Variants in RCBTB1 observed in about 807,000 individuals in gnomAD.
RCBTB1 encodes RCC1 and BTB domain containing protein 1.
RCBTB1 carries 46 observed loss-of-function variants against 62.4 expected under a neutral mutation model. That is an observed-to-expected ratio of 0.74 (90% CI 0.58 to 0.94). The LOEUF (loss-of-function observed/expected upper bound fraction) is 0.94, where lower values mean the gene tolerates loss of function less well. Ranked by LOEUF, RCBTB1 falls within the 40% of genes least tolerant of loss-of-function variation. The probability of loss-of-function intolerance (pLI) is 0.00; values close to 1 mark genes in which losing one functional copy is unlikely to be tolerated. For missense variants in RCBTB1, 565 were observed against 654.9 expected, an observed-to-expected ratio of 0.86 and a Z score of 1.50; for synonymous variants, 222 against 245.8, an observed-to-expected ratio of 0.90 and a Z score of 0.91.
intron 6 of RCBTB1, among the ~76,000 whole-genome samples, chr13:49,554,219 A>C (rs985741230): frequency 1.3e-5 from 2 of 152,200 alleles, no homozygotes; most frequent in African/African-American, 4.8e-5. Flanking sequence ...TGTTTAAGGG[A>C]AAAGTCCAAA....
At chr13:49,555,385 G>T in intron 6 of RCBTB1, 130 bp downstream of exon 6, 1 of 781,330 alleles carries the variant, frequency 1.3e-6, no homozygotes, top group Non-Finnish European at 2.1e-6. Context: ...TCAGTAATCA[G>T]TTAACTTTCA....
In RCBTB1 at chr13:49,534,250, A is replaced by G. The variant is rs141536179; in HGVS notation, c.1468T>C (p.Phe490Leu). 3.0e-5 allele frequency: 49 copies of G among 1,611,990 alleles called. No homozygotes were observed. The highest frequency in any genetic ancestry group is 4.1e-5 in the Non-Finnish European group (48 of 1,179,446). Residue 490 changes from phenylalanine (F) to leucine (L), a missense_variant, in exon 13 of 13, where the codon TTC becomes CTC. Physicochemically the swap from Phe to Leu is conservative, Grantham distance 22. Coordinates refer to ENST00000378302, the MANE Select transcript of RCBTB1 (RefSeq NM_018191.4). ...VRYDAEDLEE[F>L]CFKFCINHLT... The stretch of plus-strand genomic sequence containing the variant: ...TGATTGATGCAAAACTTAAAGCAGA[A>G]TTCTTCTAAATCCTGGACACACAAC...
At chr13:49,552,311 T>G (rs1023485269) in intron 6 of RCBTB1, 26 bp from the exon 7 acceptor site, 3 of 1,485,420 alleles carry the variant, frequency 2.0e-6, no homozygotes, top group Non-Finnish European at 2.8e-6. Flanking sequence ...AGGGAGAGAG[T>G]GAGATTTTTA....
chr13:49,554,059 C>T (rs1354247789), intron 6 of RCBTB1, among the ~76,000 whole-genome samples: 3 of 152,096 alleles, frequency 2.0e-5, no homozygotes, highest in Non-Finnish European at 4.4e-5. Flanking sequence ...GATGGAAAGC[C>T]GCATAAATGG....
chr13:49,584,673 T>C (rs1057029911), intron 1 of RCBTB1, among the ~76,000 whole-genome samples: 13 of 152,260 alleles, frequency 8.5e-5, no homozygotes, highest in Middle Eastern at 3.4e-3. Context: ...AAAAAAAGAA[T>C]AGGGCAAAAG....
At chr13:49,566,234 G>C (rs961997689) in intron 4 of RCBTB1, among the ~76,000 whole-genome samples, 1 of 150,208 alleles carries the variant, frequency 6.7e-6, no homozygotes, top group Non-Finnish European at 1.5e-5. Context: ...CCCCCTATGC[G>C]AGAAACACCC....
At chr13:49,563,333 CAGAG>C (rs59088183) in intron 4 of RCBTB1, among the ~76,000 whole-genome samples, 28,899 of 115,240 alleles carry the variant, frequency 0.25, 4,372 homozygotes, top group African/African-American at 0.46. Flanking sequence ...GCCTGGGTGA[CAGAG>C]AGAGAGAGAC....
chr13:49,551,515 G>A, intron 7 of RCBTB1, 47 bp from the exon 8 acceptor site: 2 of 1,607,300 alleles, frequency 1.2e-6, no homozygotes, highest in Middle Eastern at 1.7e-4. Flanking sequence ...AACAGGAAGG[G>A]CAGGGAGAAC....
At chr13:49,544,598 G>C in intron 10 of RCBTB1, 139 bp downstream of exon 10, 1 of 625,972 alleles carries the variant, frequency 1.6e-6, no homozygotes, top group South Asian at 2.4e-5. Flanking sequence ...ACATGAAATG[G>C]ACTGATACTA....
intron 2 of RCBTB1, among the ~76,000 whole-genome samples, chr13:49,569,208 ATTG>A (rs948555979): frequency 1.6e-4 from 25 of 152,108 alleles, no homozygotes; most frequent in African/African-American, 5.6e-4. Context: ...CTACTGGATC[ATTG>A]TTCTTTTTCT....
chr13:49,550,132 C>A (rs955097881), intron 8 of RCBTB1, among the ~76,000 whole-genome samples: 7 of 152,070 alleles, frequency 4.6e-5, no homozygotes, highest in Non-Finnish European at 5.9e-5. Flanking sequence ...AGCTGCACCA[C>A]CATACCCGGC....
Position 49,534,225 on chromosome 13 carries a change from T to C in RCBTB1, c.1493A>G (p.His498Arg). 1 of 1,614,082 alleles carries C rather than the reference T, an allele frequency of 6.2e-7. No individual in the cohort carries two copies. The highest frequency in any genetic ancestry group is 8.5e-7 in the Non-Finnish European group (1 of 1,179,992). ...TGCAGTCTGTGTAACTTCTGTCAAATGATTGATGCAAAACTTAAAGCAGAA... is the reference window on the plus strand; with the variant it reads ...TGCAGTCTGTGTAACTTCTGTCAAACGATTGATGCAAAACTTAAAGCAGAA... ...EEFCFKFCIN[H>R]LTEVTQTAAF... Residue 498 changes from histidine (H) to arginine (R), a missense_variant, in exon 13 of 13, where the codon CAT (histidine) becomes CGT (arginine). Transcript: ENST00000378302.
In RCBTB1 at chr13:49,548,321, G is replaced by A. The variant is rs532041347; in HGVS notation, c.1045+1137C>T. On this transcript the variant is annotated intron_variant, in intron 9 of 12. Coordinates refer to ENST00000378302, the MANE Select transcript of RCBTB1 (RefSeq NM_018191.4). ...GCAGGAGAACTTGAACCTGGGAGGCGGAGGCTGCAGTGAGCCGAGATCGCG... is the reference window on the plus strand; with the variant it reads ...GCAGGAGAACTTGAACCTGGGAGGCAGAGGCTGCAGTGAGCCGAGATCGCG... Among the ~76,000 whole-genome samples, 124 of 151,552 alleles carry A rather than the reference G, an allele frequency of 8.2e-4. 2 individuals are homozygous for A. In the South Asian group the frequency reaches 0.025, roughly 30 times the overall value.
In RCBTB1 at chr13:49,532,265, A is replaced by C. The variant is rs1279110923; in HGVS notation, c.*1857T>G. The stretch of plus-strand genomic sequence containing the variant: ...ACATATTCATACAAATGACTTAGTA[A>C]TCTAATATGAGAAGTGGTCCTTCAC... On this transcript the variant is annotated 3_prime_UTR_variant, in exon 13 of 13. Coordinates refer to ENST00000378302, the MANE Select transcript of RCBTB1 (RefSeq NM_018191.4). 1 of 152,646 alleles carries C rather than the reference A, an allele frequency of 6.6e-6. No homozygotes were observed. The highest frequency in any genetic ancestry group is 2.4e-5 in the African/African-American group (1 of 41,462). 9.5% of individuals were successfully genotyped at this position (152,646 alleles called of 1,614,324 possible).
intron 7 of RCBTB1, 95 bp downstream of exon 7, chr13:49,552,083 A>T (rs1453706328): frequency 2.5e-6 from 2 of 801,992 alleles, no homozygotes; most frequent in East Asian, 5.3e-5. Flanking sequence ...GTATTGCCAG[A>T]AAAGACTGAC....
rs768475581 is a variant in RCBTB1 at position 49,544,786 on chromosome 13, G to A, written c.1123C>T (p.Arg375Ter). The A allele has an allele frequency of 4.3e-6, 7 of 1,611,816 alleles. No homozygotes were observed. The highest frequency in any genetic ancestry group is 2.2e-5 in the East Asian group (1 of 44,734). ...ACATGAATATATTTTCCATCAATTC[G>A]AAACTTCAGATCAGCAGTTTCTGGA... ...DSPETADLKF[R>*]IDGKYIHVHK... The change falls in exon 10 of 13, where the codon CGA becomes TGA. Residue 375 changes from arginine (R) to a stop codon, truncating the protein, a stop_gained. Coordinates refer to ENST00000378302, the MANE Select transcript of RCBTB1 (RefSeq NM_018191.4). LOFTEE classifies it high-confidence loss of function.
rs1378462619 is a variant in RCBTB1 at position 49,532,105 on chromosome 13, A to T, written c.*2017T>A. The T allele has an allele frequency of 1.3e-5, 2 of 152,660 alleles. No homozygotes were observed. The highest frequency in any genetic ancestry group is 2.9e-5 in the Non-Finnish European group (2 of 68,040). 9.5% of individuals were successfully genotyped at this position (152,660 alleles called of 1,614,324 possible). A position where few individuals can be genotyped will look rare whatever the true frequency, so the allele number is the denominator to read the frequency against. The stretch of plus-strand genomic sequence containing the variant: ...ATACTTTGGCTTCCATTATTACATT[A>T]GATGAAAAAATCAATTCAAATAAGA... On this transcript the variant is annotated 3_prime_UTR_variant, in exon 13 of 13. Coordinates refer to ENST00000378302, the MANE Select transcript of RCBTB1 (RefSeq NM_018191.4).
intron 11 of RCBTB1, 36 bp downstream of exon 11, chr13:49,541,640 C>T: frequency 6.4e-7 from 1 of 1,574,108 alleles, no homozygotes; most frequent in South Asian, 1.2e-5. Context: ...ATATTCTCCA[C>T]CATGCGGCTC....
chr13:49,570,097 T>C (rs1252457404), intron 2 of RCBTB1, among the ~76,000 whole-genome samples: 1 of 152,178 alleles, frequency 6.6e-6, no homozygotes, highest in Non-Finnish European at 1.5e-5. Context: ...CAAGTTAGCC[T>C]TCAAAATGTT....
Sources: allele counts gnomAD v4.1 joint callset (sites outside exome capture counted in the v4.1 genomes callset), GRCh38; gene constraint gnomAD v4.1.1; transcripts MANE v1.5; gene names NCBI Gene and HGNC (gene_info 2026-07-23, HGNC 2026-07-21).